LOXHD1: variants seen among roughly 807,000 people sequenced by gnomAD.
LOXHD1 encodes lipoxygenase homology domain-containing protein 1.
Under a neutral mutation model 248.2 loss-of-function variants are expected in LOXHD1, and 205 were observed. That is an observed-to-expected ratio of 0.83 (90% CI 0.74 to 0.93). LOXHD1 has a LOEUF of 0.93. LOXHD1 is among the 40% of genes least tolerant of loss of function. LOXHD1 has a pLI of 0.00. For synonymous variants in LOXHD1, 1,113 were observed against 1,162.8 expected (o/e 0.96, Z 0.87); for missense variants, 2,930 against 2,971.6 (o/e 0.99, Z 0.33).
chr18:46,563,335 A>G lies in LOXHD1; in HGVS notation c.2438-110T>C, dbSNP rs867466183. The G allele has an allele frequency of 1.1e-5, 12 of 1,098,904 alleles. No homozygotes were observed. The Middle Eastern group carries it at 1.2e-3, about 105-fold the overall frequency. 68.1% of individuals were successfully genotyped at this position (1,098,904 alleles called of 1,614,324 possible). On this transcript the variant is annotated intron_variant, in intron 17 of 40. Coordinates refer to ENST00000642948, the MANE Select transcript of LOXHD1 (RefSeq NM_001384474.1). ...CTGTTCCAGGTGCCTGGCGCTTTAC[A>G]GTCATTCACTTATCTAATCCTCTCC... is the stretch of plus-strand genomic sequence containing the variant.
chr18:46,535,504 C>T (rs1315451391), intron 26 of LOXHD1, among the ~76,000 whole-genome samples: 4 of 152,146 alleles, frequency 2.6e-5, no homozygotes, highest in Non-Finnish European at 1.5e-5. Context: ...GTATGGGATG[C>T]AGAGGAGAAT....
At chr18:46,555,155 TGTTCACA>T (rs1457234589) in intron 21 of LOXHD1, 1 of 471,176 alleles carries the variant, frequency 2.1e-6, no homozygotes, top group Admixed American at 2.3e-5. Context: ...AAGCTGGGGA[TGTTCACA>T]GTTTGTCCCC....
Position 46,541,787 on chromosome 18 carries a change from A to G in LOXHD1, c.3902T>C (p.Leu1301Pro). The G allele has an allele frequency of 2.6e-6, 4 of 1,551,722 alleles. No individual in the cohort carries two copies. Among genetic ancestry groups the G allele is most frequent in the Non-Finnish European group, 2.6e-6 (3 of 1,146,986 alleles). Residue 1301 changes from leucine (L) to proline (P), a missense_variant, in exon 25 of 41, where the codon CTG becomes CCG. Coordinates refer to ENST00000642948, the MANE Select transcript of LOXHD1 (RefSeq NM_001384474.1). ...DLFHAELQTR[L>P]YTPFVPYEIT... ...TGTGTGGTTCCTACATGGTGTGTAC[A>G]GCCTCGTCTGAAGCTCTGCATGGAA...
At chr18:46,486,038 C>A (rs1232822473) in intron 38 of LOXHD1, among the ~76,000 whole-genome samples, 1 of 152,036 alleles carries the variant, frequency 6.6e-6, no homozygotes, top group African/African-American at 2.4e-5. Flanking sequence ...ACTCAAAAGT[C>A]ATGTCTCAGA....
chr18:46,597,542 GCGCACACACA>G (rs1320554019), intron 8 of LOXHD1, among the ~76,000 whole-genome samples: 10 of 61,128 alleles, frequency 1.6e-4, no homozygotes, highest in South Asian at 1.9e-3. Flanking sequence ...AGTGGTACAT[GCGCACACACA>G]CACACACACA....
In LOXHD1 at chr18:46,560,336, C is replaced by T. The variant is rs1198516761; in HGVS notation, c.2808G>A (p.Leu936=). 6.4e-7 allele frequency: 1 copy of T among 1,552,064 alleles called. No individual in the cohort carries two copies. Among genetic ancestry groups the T allele is most frequent in the Non-Finnish European group, 8.7e-7 (1 of 1,147,362 alleles). ...LLKKERLKAK[L]QRKKKKRKGS... The stretch of plus-strand genomic sequence containing the variant: ...CCTTCCTCTTCTTCTTCTTCCTCTG[C>T]AGCTTGGCCTTCAGCCGCTCCTTCT... The change falls in exon 19 of 41, where the codon CTG becomes CTA. Residue 936 remains leucine, a synonymous_variant. Transcript: ENST00000642948.
At chr18:46,509,842 G>A (rs1267166381) in intron 34 of LOXHD1, 27 bp from the exon 35 acceptor site, 6 of 940,966 alleles carry the variant, frequency 6.4e-6, no homozygotes, top group African/African-American at 5.1e-5. Flanking sequence ...GGGGCATGAA[G>A]AAGGGAAGCT....
In LOXHD1 at chr18:46,521,243, C is replaced by T. The variant is rs1472926335; in HGVS notation, c.5125G>A (p.Val1709Met). The T allele has an allele frequency of 5.8e-6, 9 of 1,551,764 alleles. No individual in the cohort carries two copies. The East Asian group carries it at 1.7e-4, about 29-fold the overall frequency. ...DGASPESCWL[V>M]EELCLAVPTQ... is the part of the protein sequence containing the mutation. ...GGCACTGCCAAACACAACTCTTCCA[C>T]CAGCCAGCAGCTCTCAGGGGAGGCC... The change falls in exon 33 of 41, where the codon GTG (valine) becomes ATG (methionine). Residue 1709 changes from valine (V) to methionine (M), a missense_variant. Val to Met is a conservative substitution (Grantham distance 21). Transcript: ENST00000642948.
intron 26 of LOXHD1, among the ~76,000 whole-genome samples, chr18:46,535,683 G>T (rs1030545022): frequency 6.6e-6 from 1 of 152,104 alleles, no homozygotes; most frequent in Admixed American, 6.5e-5. Context: ...ATTCTCTCCT[G>T]CCTCAGCCCC....
At chr18:46,617,748 C>T (rs1729688248) in intron 5 of LOXHD1, among the ~76,000 whole-genome samples, 1 of 152,198 alleles carries the variant, frequency 6.6e-6, no homozygotes, top group African/African-American at 2.4e-5. Flanking sequence ...CTTGCTTTCC[C>T]TGTGAGGCCA....
At chr18:46,480,725 T>A (rs538658005) in intron 40 of LOXHD1, among the ~76,000 whole-genome samples, 1 of 152,266 alleles carries the variant, frequency 6.6e-6, no homozygotes, top group East Asian at 1.9e-4. Flanking sequence ...AAACTATGTA[T>A]AAGCACACAT....
intron 21 of LOXHD1, among the ~76,000 whole-genome samples, chr18:46,551,871 TA>T (rs1261960074): frequency 6.6e-6 from 1 of 152,102 alleles, no homozygotes; most frequent in Non-Finnish European, 1.5e-5. Flanking sequence ...TATTCAGCCT[TA>T]AAAAGGAAGG....
At chr18:46,601,602 A>T in intron 7 of LOXHD1, 135 bp from the exon 8 acceptor site, 3 of 1,204,146 alleles carry the variant, frequency 2.5e-6, no homozygotes, top group Non-Finnish European at 3.6e-6. Flanking sequence ...ATCATGTCCT[A>T]CTCCTCCAGA....
intron 21 of LOXHD1, among the ~76,000 whole-genome samples, chr18:46,555,553 T>C (rs539215272): frequency 4.7e-4 from 72 of 152,280 alleles, no homozygotes; most frequent in Admixed American, 1.7e-3. Flanking sequence ...CCAACAAGTC[T>C]ATGGGCTGGA....
Position 46,642,047 on chromosome 18 carries a change from C to A in LOXHD1, c.246-11G>T, listed in dbSNP as rs2038969418. 1 of 1,551,878 alleles carries A rather than the reference C, an allele frequency of 6.4e-7. No individual in the cohort carries two copies. On this transcript the variant is annotated splice_polypyrimidine_tract_variant and intron_variant, in intron 2 of 40. Coordinates refer to ENST00000642948, the MANE Select transcript of LOXHD1 (RefSeq NM_001384474.1). ...AAGGCAGACTTGCTCCTGCAATGAACACGTGCAGTTAGTGCAGATCAGCTG... is the reference window on the plus strand; with the variant it reads ...AAGGCAGACTTGCTCCTGCAATGAAAACGTGCAGTTAGTGCAGATCAGCTG...
intron 4 of LOXHD1, among the ~76,000 whole-genome samples, chr18:46,639,262 A>T (rs1199181738): frequency 6.6e-6 from 1 of 152,164 alleles, no homozygotes; most frequent in Non-Finnish European, 1.5e-5. Flanking sequence ...AAGAAAAAGG[A>T]TAGGAAAATG....
chr18:46,560,095 G>T lies in LOXHD1; in HGVS notation c.3049C>A (p.Pro1017Thr), dbSNP rs915949369. Residue 1017 changes from proline (P) to threonine (T), a missense_variant, in exon 19 of 41, where the codon CCG (proline) becomes ACG (threonine). By Grantham distance (38) the Pro-to-Thr change is conservative. Coordinates refer to ENST00000642948, the MANE Select transcript of LOXHD1 (RefSeq NM_001384474.1). ...LVVELVPAGK[P>T]GPERNTYEVQ... ...ACGACCCACTTACGCTCAGGACCCGGCTTGCCAGCTGGCACCAACTCCACG... is the reference window on the plus strand; with the variant it reads ...ACGACCCACTTACGCTCAGGACCCGTCTTGCCAGCTGGCACCAACTCCACG... 3 of 1,124,418 alleles carry T rather than the reference G, an allele frequency of 2.7e-6. No homozygotes were observed. The African/African-American group carries it at 5.2e-5, about 19-fold the overall frequency. 69.7% of individuals were successfully genotyped at this position (1,124,418 alleles called of 1,614,324 possible).
intron 12 of LOXHD1, among the ~76,000 whole-genome samples, chr18:46,584,146 AAG>A (rs138873204): frequency 6.6e-6 from 1 of 152,108 alleles, no homozygotes. Context: ...TTTTAAAAAA[AAG>A]AGAGAGAGAG....
intron 4 of LOXHD1, among the ~76,000 whole-genome samples, chr18:46,638,228 G>A (rs546882051): frequency 7.2e-4 from 109 of 152,248 alleles, no homozygotes; most frequent in African/African-American, 2.6e-3. Flanking sequence ...GTTTTTTCAA[G>A]TAATGGAATT....
Sources: gnomAD v4.1 joint callset for allele counts (sites outside exome capture counted in the v4.1 genomes callset) on GRCh38, gnomAD v4.1.1 for gene constraint, MANE v1.5 for transcripts, NCBI Gene and HGNC (gene_info 2026-07-23, HGNC 2026-07-21) for gene names.